The following ZNF492 variants were observed in gnomAD, a reference collection of about 807,000 sequenced individuals.
ZNF492 encodes the protein zinc finger protein 115 (Y20).
In ZNF492, 3 loss-of-function variants were observed where a neutral mutation model predicts 6.4. The ratio of observed to expected loss-of-function variants is 0.47; its 90% CI spans 0.21 to 1.22. The LOEUF (loss-of-function observed/expected upper bound fraction) is 1.22. Among genes scored for constraint, ZNF492 ranks in the 50% most tolerant of loss-of-function variants. The pLI is 0.22. For synonymous variants in ZNF492, 112 were observed against 205.3 expected (o/e 0.55, Z 3.89); for missense variants, 356 against 612.5 (o/e 0.58, Z 4.42).
chr19:22,652,298 G>A (rs1295868908), intron 1 of ZNF492, among the ~76,000 whole-genome samples: 4 of 126,892 alleles, frequency 3.2e-5, no homozygotes, highest in Non-Finnish European at 4.7e-5. Context: ...CGCAATCTCG[G>A]CTCACTGCAA....
intron 1 of ZNF492, among the ~76,000 whole-genome samples, chr19:22,639,711 C>CA (rs34864212): frequency 0.016 from 1,414 of 90,416 alleles, 23 homozygotes; most frequent in African/African-American, 0.041. Flanking sequence ...AACTTGGTCT[C>CA]AAAAAAAAAA....
chr19:22,653,240 G>A (rs1599399356), intron 1 of ZNF492, 67 bp from the exon 2 acceptor site: 1 of 1,567,516 alleles, frequency 6.4e-7, no homozygotes, highest in Admixed American at 1.9e-5. Flanking sequence ...GTTTTACCTT[G>A]AGTCAAATTA....
chr19:22,662,955 A>C (rs62118827), intron 3 of ZNF492, among the ~76,000 whole-genome samples: 12,113 of 151,828 alleles, frequency 0.08, 528 homozygotes, highest in South Asian at 0.11. Context: ...CCCATTTGTC[A>C]ATTTTGGCTT....
At chr19:22,651,207 C>T (rs192249896) in intron 1 of ZNF492, among the ~76,000 whole-genome samples, 278 of 152,118 alleles carry the variant, frequency 1.8e-3, no homozygotes, top group African/African-American at 6.2e-3. Flanking sequence ...ACTGCTCTTT[C>T]TTCCTCTCTG....
At chr19:22,655,706 A>G (rs1210665756) in intron 3 of ZNF492, among the ~76,000 whole-genome samples, 1 of 119,330 alleles carries the variant, frequency 8.4e-6, no homozygotes, top group Non-Finnish European at 1.7e-5. Flanking sequence ...CTTATTCCAC[A>G]TACTTCCAGT....
At chr19:22,641,295 T>C (rs571859651) in intron 1 of ZNF492, among the ~76,000 whole-genome samples, 1 of 152,328 alleles carries the variant, frequency 6.6e-6, no homozygotes, top group East Asian at 1.9e-4. Flanking sequence ...TCAGGTATGT[T>C]GTATCTTTGT....
rs1030970222 is a variant in ZNF492 at position 22,666,522 on chromosome 19, A to G, written c.*1257A>G. 1 of 152,118 alleles carries G rather than the reference A, an allele frequency of 6.6e-6. No homozygotes were observed. The highest frequency in any genetic ancestry group is 1.5e-5 in the Non-Finnish European group (1 of 68,040). The allele number at this position is 152,118 out of a possible 1,614,324, so 9.4% of individuals were successfully genotyped here. On this transcript the variant is annotated 3_prime_UTR_variant, in exon 4 of 4. Coordinates refer to ENST00000456783, the MANE Select transcript of ZNF492 (RefSeq NM_020855.3). ...GTTTCTTTATTCCTATTGTATTCAT[A>G]TGTGAAAGCATGTGACCAAAAGATA...
chr19:22,663,574 C>T (rs537414566), intron 3 of ZNF492, among the ~76,000 whole-genome samples: 1 of 152,292 alleles, frequency 6.6e-6, no homozygotes, highest in East Asian at 1.9e-4. Context: ...CTATGTGACT[C>T]TTTGCATTGG....
In ZNF492 at chr19:22,638,727, T is replaced by A. The variant is rs570624330; in HGVS notation, c.-94+4253T>A. On this transcript the variant is annotated intron_variant, in intron 1 of 3. Coordinates refer to ENST00000456783, the MANE Select transcript of ZNF492 (RefSeq NM_020855.3). ...TTTTGGTTCCATATAAATTTAAAAATTTTTTTGTTTTGTTTTTTAGCTCTG... is the reference window on the plus strand; with the variant it reads ...TTTTGGTTCCATATAAATTTAAAAAATTTTTTGTTTTGTTTTTTAGCTCTG... Among the ~76,000 whole-genome samples the A allele has an allele frequency of 7.5e-4, 114 of 152,310 alleles. 1 individual carries two copies. The highest frequency in any genetic ancestry group is 2.4e-3 in the Admixed American group (37 of 15,298).
At chr19:22,658,311 G>A (rs1972017808) in intron 3 of ZNF492, among the ~76,000 whole-genome samples, 1 of 151,576 alleles carries the variant, frequency 6.6e-6, no homozygotes, top group South Asian at 2.1e-4. Context: ...CTCCTTGGGA[G>A]ATTGAGGAGG....
At chr19:22,636,721 G>C (rs1395279238) in intron 1 of ZNF492, among the ~76,000 whole-genome samples, 2 of 150,622 alleles carry the variant, frequency 1.3e-5, no homozygotes, top group Non-Finnish European at 2.9e-5. Context: ...TGCAACCTCT[G>C]CCTCCCGGTT....
rs565487949 is a variant in ZNF492, at chr19:22,634,434, C to G, written c.-134C>G. 5.4e-5 allele frequency: 75 copies of G among 1,385,476 alleles called. No homozygotes were observed. In the African/African-American group the frequency reaches 9.2e-4, roughly 17 times the overall value. 85.8% of individuals were successfully genotyped at this position (1,385,476 alleles called of 1,614,324 possible). On this transcript the variant is annotated 5_prime_UTR_variant, in exon 1 of 4. The change creates a new upstream start codon in the 5' untranslated region. Coordinates refer to ENST00000456783, the MANE Select transcript of ZNF492 (RefSeq NM_020855.3). The stretch of plus-strand genomic sequence containing the variant: ...CTGTGACCTGCAGGTATTGGGAGAT[C>G]CACAGCTAAGACGCTAGGACCCCCT...
At position 22,641,878 on chromosome 19, in the gene ZNF492, C is replaced by G. The variant is rs188102222; in HGVS notation, c.-94+7404C>G. ...GGGCGATCTCGGCTCACTGCAAGCT[C>G]CGCCTCCCGGGTTCACGCCATTCTC... On this transcript the variant is annotated intron_variant, in intron 1 of 3. Coordinates refer to ENST00000456783, the MANE Select transcript of ZNF492 (RefSeq NM_020855.3). Among the ~76,000 whole-genome samples the G allele has an allele frequency of 9.9e-3, 1,510 of 152,230 alleles. 24 individuals are homozygous for G. The highest frequency in any genetic ancestry group is 0.034 in the African/African-American group (1,423 of 41,524).
rs562597025 is a variant in ZNF492 at position 22,666,874 on chromosome 19, A to G, written c.*1609A>G. On this transcript the variant is annotated 3_prime_UTR_variant, in exon 4 of 4. Coordinates refer to ENST00000456783, the MANE Select transcript of ZNF492 (RefSeq NM_020855.3). ...TAACAGTTTAAATATTGTGCATTCA[A>G]TCAAGTCACATTATTCCACTTACTT... The G allele has an allele frequency of 1.3e-5, 2 of 152,302 alleles. No homozygotes were observed. Among genetic ancestry groups the G allele is most frequent in the Admixed American group, 1.3e-4 (2 of 15,280 alleles). The allele number at this position is 152,302 out of a possible 1,614,324, so 9.4% of individuals were successfully genotyped here.
intron 1 of ZNF492, among the ~76,000 whole-genome samples, chr19:22,639,763 G>C (rs529386070): frequency 6.7e-6 from 1 of 149,584 alleles, no homozygotes; most frequent in South Asian, 2.1e-4. Flanking sequence ...GATGATTATA[G>C]GGTTTTTCAG....
intron 1 of ZNF492, among the ~76,000 whole-genome samples, chr19:22,652,255 C>T (rs1340564854): frequency 2.1e-5 from 2 of 96,430 alleles, no homozygotes; most frequent in Non-Finnish European, 3.5e-5. Context: ...GAGTCTCGCT[C>T]TGTCGCCCAG....
chr19:22,639,268 G>A (rs1971800064), intron 1 of ZNF492, among the ~76,000 whole-genome samples: 1 of 152,124 alleles, frequency 6.6e-6, no homozygotes, highest in African/African-American at 2.4e-5. Flanking sequence ...TGTATTTCTA[G>A]ATATTTTATT....
intron 1 of ZNF492, among the ~76,000 whole-genome samples, chr19:22,647,127 G>C (rs1045443386): frequency 3.3e-5 from 5 of 152,066 alleles, no homozygotes; most frequent in Non-Finnish European, 7.4e-5. Flanking sequence ...CTGACCTCAG[G>C]TGATCTGCCT....
At chr19:22,644,177 T>TGG (rs1971855216) in intron 1 of ZNF492, among the ~76,000 whole-genome samples, 1 of 152,244 alleles carries the variant, frequency 6.6e-6, no homozygotes, top group South Asian at 2.1e-4. Flanking sequence ...CAGAGAATCT[T>TGG]ATCTGAGAAG....
Sources: allele counts gnomAD v4.1 joint callset (sites outside exome capture counted in the v4.1 genomes callset), GRCh38; gene constraint gnomAD v4.1.1; transcripts MANE v1.5; gene names NCBI Gene and HGNC (gene_info 2026-07-23, HGNC 2026-07-21).